Variants in NFIA observed in about 807,000 individuals in gnomAD.
NFIA encodes nuclear factor I A.
NFIA carries 8 observed loss-of-function variants against 62.8 expected under a neutral mutation model. That is an observed-to-expected ratio of 0.13 (90% CI 0.07 to 0.23). NFIA has a LOEUF of 0.23. Ranked by LOEUF, NFIA falls within the 10% of genes least tolerant of loss-of-function variation. The probability of loss-of-function intolerance (pLI) is 1.00; values close to 1 mark genes in which losing one functional copy is unlikely to be tolerated. For missense variants in NFIA, 410 were observed against 642.1 expected (o/e 0.64, Z 3.91); for synonymous variants, 235 against 238.1 (o/e 0.99, Z 0.12).
intron 9 of NFIA, among the ~76,000 whole-genome samples, chr1:61,417,326 T>C (rs1190440063): frequency 6.8e-6 from 1 of 147,132 alleles, no homozygotes; most frequent in Admixed American, 7.0e-5. Context: ...ATACTGAATA[T>C]AATATCTAGT....
intron 6 of NFIA, among the ~76,000 whole-genome samples, chr1:61,366,563 A>G (rs1362313844): frequency 6.6e-6 from 1 of 152,216 alleles, no homozygotes; most frequent in East Asian, 1.9e-4. Flanking sequence ...TTTTATTTTT[A>G]TAAATAACTT....
At chr1:61,251,164 T>A (rs1188319694) in intron 2 of NFIA, 2 of 152,250 alleles carry the variant, frequency 1.3e-5, no homozygotes, top group Non-Finnish European at 2.9e-5. Flanking sequence ...TGAAATTGAT[T>A]TAACTAAAGT....
intron 2 of NFIA, among the ~76,000 whole-genome samples, chr1:61,179,719 C>T (rs1174133960): frequency 6.6e-6 from 1 of 152,182 alleles, no homozygotes; most frequent in Non-Finnish European, 1.5e-5. Context: ...ATGTAGGCCC[C>T]TTTCTCTCAT....
chr1:61,334,533 A>G (rs61770521), intron 4 of NFIA, among the ~76,000 whole-genome samples: 23 of 8,904 alleles, frequency 2.6e-3, no homozygotes, highest in Middle Eastern at 0.062. Flanking sequence ...GTGTGTGTAT[A>G]TATGTGTGTG....
At chr1:61,135,293 G>A (rs1647162556) in intron 2 of NFIA, among the ~76,000 whole-genome samples, 1 of 152,232 alleles carries the variant, frequency 6.6e-6, no homozygotes, top group African/African-American at 2.4e-5. Flanking sequence ...CCCAGACCAA[G>A]GATCTTTTGC....
At chr1:61,412,671 CATA>C (rs1420088332) in intron 9 of NFIA, among the ~76,000 whole-genome samples, 2 of 152,180 alleles carry the variant, frequency 1.3e-5, no homozygotes, top group African/African-American at 2.4e-5. Flanking sequence ...CTGGACTTAT[CATA>C]ATAAGCTGCC....
rs1167313449 is a variant in NFIA at position 61,458,642 on chromosome 1, C to T, written c.*3322C>T. The T allele has an allele frequency of 4.0e-5, 6 of 150,584 alleles. No individual in the cohort carries two copies. The highest frequency in any genetic ancestry group is 7.4e-5 in the Non-Finnish European group (5 of 67,810). 9.3% of individuals were successfully genotyped at this position (150,584 alleles called of 1,614,324 possible). A position where few individuals can be genotyped will look rare whatever the true frequency, so the allele number is the denominator to read the frequency against. On this transcript the variant is annotated 3_prime_UTR_variant, in exon 11 of 11. Transcript: ENST00000403491. Reference sequence around the variant, plus strand: ...ATAGAATTGCTTTTCTTTCTTTTTACCCCCCCTTTGGGAACTGGATTTAAG... The same window carrying T: ...ATAGAATTGCTTTTCTTTCTTTTTATCCCCCCTTTGGGAACTGGATTTAAG...
chr1:61,196,934 TGTGTGTGC>T lies in NFIA; in HGVS notation c.560-80584_560-80577del, dbSNP rs1326770976. Among the ~76,000 whole-genome samples, 413 of 105,230 alleles carry T rather than the reference TGTGTGTGC, an allele frequency of 3.9e-3. 8 individuals carry two copies. The East Asian group carries it at 0.085, about 22-fold the overall frequency. 69.0% of individuals were successfully genotyped at this position (105,230 alleles called of 152,430 possible). A position where few individuals can be genotyped will look rare whatever the true frequency, so the allele number is the denominator to read the frequency against. On this transcript the variant is annotated intron_variant, in intron 2 of 10. Coordinates refer to ENST00000403491, the MANE Select transcript of NFIA (RefSeq NM_001134673.4). ...GTGTGTGTGTGTGTGTGTGTGTGTG[TGTGTGTGC>T]GCGCGCGCGCTGTGTGTGTGTGATG... is the stretch of plus-strand genomic sequence containing the variant.
intron 9 of NFIA, among the ~76,000 whole-genome samples, chr1:61,416,054 T>C (rs1056177882): frequency 4.6e-5 from 7 of 152,074 alleles, no homozygotes; most frequent in African/African-American, 1.7e-4. Flanking sequence ...AGGAGAGTGC[T>C]AAGAAATATG....
rs76549035 is a variant in NFIA, at chr1:61,252,317, G to A, written c.560-25203G>A. Among the ~76,000 whole-genome samples, 183 of 152,256 alleles carry A rather than the reference G, an allele frequency of 1.2e-3. 2 individuals carry two copies. In the East Asian group the frequency reaches 0.032, roughly 26 times the overall value. On this transcript the variant is annotated intron_variant, in intron 2 of 10. Transcript: ENST00000403491. ...CCTAGCACTATTGTTTTTACCAGTTGTGTGCTTACCACGTCAGTTGTGTTA... is the reference window on the plus strand; with the variant it reads ...CCTAGCACTATTGTTTTTACCAGTTATGTGCTTACCACGTCAGTTGTGTTA...
intron 2 of NFIA, among the ~76,000 whole-genome samples, chr1:61,269,149 C>T (rs1165958897): frequency 3.3e-5 from 5 of 151,134 alleles, no homozygotes; most frequent in Non-Finnish European, 5.9e-5. Context: ...ATTTTCAAAC[C>T]CTGTAGAAAA....
At chr1:61,163,924 G>A (rs1177834719) in intron 2 of NFIA, among the ~76,000 whole-genome samples, 1 of 152,170 alleles carries the variant, frequency 6.6e-6, no homozygotes, top group Non-Finnish European at 1.5e-5. Context: ...AATTGGTGCT[G>A]TGTGAAAATC....
intron 7 of NFIA, among the ~76,000 whole-genome samples, chr1:61,389,507 A>G (rs974429580): frequency 3.9e-5 from 6 of 152,184 alleles, no homozygotes; most frequent in Non-Finnish European, 8.8e-5. Flanking sequence ...CATATTCCCC[A>G]TTATTTTTAC....
intron 2 of NFIA, among the ~76,000 whole-genome samples, chr1:61,089,965 G>A (rs1646291338): frequency 1.3e-5 from 2 of 152,146 alleles, no homozygotes; most frequent in Non-Finnish European, 2.9e-5. Flanking sequence ...GTATTTTAGA[G>A]GATGTGAGCT....
chr1:61,386,359 A>G (rs960930727), intron 7 of NFIA, among the ~76,000 whole-genome samples: 2 of 152,206 alleles, frequency 1.3e-5, no homozygotes, highest in Admixed American at 1.3e-4. Context: ...TAGATAATCC[A>G]GAGAATCAAA....
intron 2 of NFIA, among the ~76,000 whole-genome samples, chr1:61,189,558 G>A (rs999259960): frequency 2.0e-5 from 3 of 152,050 alleles, no homozygotes; most frequent in Admixed American, 1.3e-4. Flanking sequence ...CCAGCTACTC[G>A]GGAGGCTGAG....
intron 3 of NFIA, among the ~76,000 whole-genome samples, chr1:61,325,638 G>C (rs975445733): frequency 1.3e-5 from 2 of 152,188 alleles, no homozygotes; most frequent in South Asian, 2.1e-4. Flanking sequence ...GCCAAAGAAG[G>C]CTAGGCGTGG....
chr1:61,207,882 AT>A (rs1331246366), intron 2 of NFIA, among the ~76,000 whole-genome samples: 1 of 151,628 alleles, frequency 6.6e-6, no homozygotes, highest in African/African-American at 2.4e-5. Context: ...AAATGTGCAC[AT>A]TTGTGTAGGG....
chr1:61,276,566 G>A (rs867098937), intron 2 of NFIA, among the ~76,000 whole-genome samples: 3 of 152,104 alleles, frequency 2.0e-5, no homozygotes, highest in African/African-American at 4.8e-5. Context: ...TGTTGTAAAC[G>A]ACTTCAAGTC....
Sources: gnomAD v4.1 joint callset for allele counts (sites outside exome capture counted in the v4.1 genomes callset) on GRCh38, gnomAD v4.1.1 for gene constraint, MANE v1.5 for transcripts, NCBI Gene and HGNC (gene_info 2026-07-23, HGNC 2026-07-21) for gene names.